CNTN5: variants seen among roughly 807,000 people sequenced by gnomAD.
CNTN5 encodes the protein contactin 5, also known as contactin-5.
Under a neutral mutation model 129.1 loss-of-function variants are expected in CNTN5, and 77 were observed. The observed-to-expected ratio is 0.60, with a 90% CI of 0.50 to 0.72. The LOEUF is 0.72. Ranked by LOEUF, CNTN5 falls within the 30% of genes least tolerant of loss-of-function variation. The pLI is 0.00. For synonymous variants in CNTN5, 509 were observed against 465.6 expected, an observed-to-expected ratio of 1.09 and a Z score of -1.20; for missense variants, 1,478 against 1,328.8, an observed-to-expected ratio of 1.11 and a Z score of -1.75.
At chr11:99,120,435 A>T (rs918477173) in intron 1 of CNTN5, 12 of 152,226 alleles carry the variant, frequency 7.9e-5, no homozygotes, top group African/African-American at 2.7e-4. Context: ...AGTCTTGTGA[A>T]TAAAGGGATG....
chr11:100,069,482 T>C (rs1943822087), intron 10 of CNTN5, among the ~76,000 whole-genome samples: 1 of 152,124 alleles, frequency 6.6e-6, no homozygotes, highest in East Asian at 1.9e-4. Context: ...TACATCTTTT[T>C]TCACATGCTC....
chr11:99,790,227 T>C (rs1945690792), intron 3 of CNTN5, among the ~76,000 whole-genome samples: 1 of 152,086 alleles, frequency 6.6e-6, no homozygotes, highest in Non-Finnish European at 1.5e-5. Context: ...AGGTTTGTTG[T>C]AGAAGTAAAT....
intron 13 of CNTN5, among the ~76,000 whole-genome samples, chr11:100,087,154 G>T (rs1944585478): frequency 6.7e-6 from 1 of 150,296 alleles, no homozygotes; most frequent in Admixed American, 6.6e-5. Context: ...AATACTGAGA[G>T]CAAAAATGAA....
At chr11:100,129,214 T>C (rs1302201080) in intron 13 of CNTN5, among the ~76,000 whole-genome samples, 1 of 152,138 alleles carries the variant, frequency 6.6e-6, no homozygotes, top group Non-Finnish European at 1.5e-5. Context: ...AATACATTTA[T>C]ATAGCGTGCG....
At chr11:100,132,949 A>G (rs1489278548) in intron 13 of CNTN5, among the ~76,000 whole-genome samples, 2 of 152,134 alleles carry the variant, frequency 1.3e-5, no homozygotes, top group Non-Finnish European at 2.9e-5. Context: ...TTCTATTTTT[A>G]GTATTACTCT....
At chr11:99,225,950 T>C (rs1860659686) in intron 1 of CNTN5, among the ~76,000 whole-genome samples, 2 of 152,168 alleles carry the variant, frequency 1.3e-5, no homozygotes, top group Non-Finnish European at 2.9e-5. Flanking sequence ...TCATAATAAA[T>C]GAGGAAGTAT....
intron 9 of CNTN5, among the ~76,000 whole-genome samples, chr11:100,054,389 C>T: frequency 6.6e-6 from 1 of 151,880 alleles, no homozygotes; most frequent in African/African-American, 2.4e-5. Flanking sequence ...TTTCTATTTT[C>T]ATTTATTCTC....
At chr11:99,540,581 A>G (rs993442154) in intron 2 of CNTN5, among the ~76,000 whole-genome samples, 5 of 152,216 alleles carry the variant, frequency 3.3e-5, no homozygotes, top group Admixed American at 1.3e-4. Context: ...TCAAGAAAAA[A>G]TTTTTTTCAA....
At chr11:100,262,267 C>T (rs1021281882) in intron 17 of CNTN5, among the ~76,000 whole-genome samples, 7 of 152,016 alleles carry the variant, frequency 4.6e-5, no homozygotes, top group Admixed American at 6.6e-5. Context: ...GTTAGAATGG[C>T]GATCATTAAA....
At chr11:99,226,991 T>A (rs1860721132) in intron 1 of CNTN5, among the ~76,000 whole-genome samples, 1 of 152,156 alleles carries the variant, frequency 6.6e-6, no homozygotes, top group African/African-American at 2.4e-5. Flanking sequence ...AAAATAATTA[T>A]CACAGTATCA....
chr11:100,284,156 TGATTCAA>T (rs1950711435), intron 18 of CNTN5, among the ~76,000 whole-genome samples: 1 of 152,152 alleles, frequency 6.6e-6, no homozygotes, highest in Admixed American at 6.5e-5. Context: ...GTGGTCTCAG[TGATTCAA>T]GACTGTTTTT....
chr11:99,774,655 G>A (rs1007776077), intron 3 of CNTN5, among the ~76,000 whole-genome samples: 2 of 151,890 alleles, frequency 1.3e-5, no homozygotes, highest in African/African-American at 4.8e-5. Flanking sequence ...CGGGCTCATC[G>A]TTTTTATCCC....
In CNTN5 at chr11:99,053,192, G is replaced by A. The variant is rs570577594; in HGVS notation, c.-210+31922G>A. Among the ~76,000 whole-genome samples, 193 of 152,000 alleles carry A rather than the reference G, an allele frequency of 1.3e-3. 2 individuals are homozygous for A. Among genetic ancestry groups the A allele is most frequent in the East Asian group, 4.5e-3 (23 of 5,162 alleles). Reference sequence around the variant, plus strand: ...GTCATTCTAAAAAAGTAATGACAGAGCTGAGATTATTTCTGTTTAGAATCT... The same window carrying A: ...GTCATTCTAAAAAAGTAATGACAGAACTGAGATTATTTCTGTTTAGAATCT... On this transcript the variant is annotated intron_variant, in intron 1 of 24. Coordinates refer to ENST00000524871, the MANE Select transcript of CNTN5 (RefSeq NM_014361.4).
chr11:99,651,003 A>C (rs1345870522), intron 3 of CNTN5, among the ~76,000 whole-genome samples: 1 of 151,988 alleles, frequency 6.6e-6, no homozygotes, highest in East Asian at 1.9e-4. Flanking sequence ...GAGAAGAATA[A>C]GAGAAATTGT....
intron 18 of CNTN5, among the ~76,000 whole-genome samples, chr11:100,291,781 A>G (rs1950982819): frequency 2.2e-5 from 1 of 45,578 alleles, no homozygotes; most frequent in African/African-American, 4.7e-5. Flanking sequence ...AAATAAATAA[A>G]TAAATAAAAA....
At chr11:99,445,897 A>G (rs928199185) in intron 2 of CNTN5, among the ~76,000 whole-genome samples, 9 of 151,990 alleles carry the variant, frequency 5.9e-5, no homozygotes, top group African/African-American at 1.9e-4. Context: ...TAGCCTGACA[A>G]ACATGGTGAA....
In CNTN5 at chr11:99,121,880, A is replaced by G. The variant is rs1338937313; in HGVS notation, c.-210+100610A>G. 2.6e-5 allele frequency among the ~76,000 whole-genome samples: 4 copies of G among 151,754 alleles called. No individual in the cohort carries two copies. In the East Asian group the frequency reaches 7.7e-4, roughly 29 times the overall value. ...TTAAAATAAAGAGTGATTTTATAAA[A>G]GTAATTTTGAATTTCTTTTTTTCTT... is the stretch of plus-strand genomic sequence containing the variant. On this transcript the variant is annotated intron_variant, in intron 1 of 24. Coordinates refer to ENST00000524871, the MANE Select transcript of CNTN5 (RefSeq NM_014361.4).
At chr11:100,184,976 T>A (rs1948253247) in intron 13 of CNTN5, among the ~76,000 whole-genome samples, 1 of 151,158 alleles carries the variant, frequency 6.6e-6, no homozygotes, top group East Asian at 2.0e-4. Flanking sequence ...TGAGGACTGA[T>A]GGTTTTATAT....
intron 1 of CNTN5, among the ~76,000 whole-genome samples, chr11:99,287,962 C>G (rs934326442): frequency 1.3e-5 from 2 of 151,922 alleles, no homozygotes; most frequent in South Asian, 2.1e-4. Flanking sequence ...ATCAAATGCT[C>G]TTCTCGTTTA....
Sources: gnomAD v4.1 joint callset for allele counts (sites outside exome capture counted in the v4.1 genomes callset) on GRCh38, gnomAD v4.1.1 for gene constraint, MANE v1.5 for transcripts, NCBI Gene and HGNC (gene_info 2026-07-23, HGNC 2026-07-21) for gene names.